The following SCNN1B variants were observed in gnomAD, a reference collection of about 807,000 sequenced individuals.
The protein encoded by SCNN1B is sodium channel epithelial 1 subunit beta, also known as epithelial sodium channel subunit beta.
A neutral mutation model predicts 65.3 loss-of-function variants in SCNN1B; 46 were observed. The observed-to-expected ratio is 0.70, with a 90% CI of 0.56 to 0.90. The LOEUF (loss-of-function observed/expected upper bound fraction) is 0.90. Ranked by LOEUF, SCNN1B falls within the 40% of genes least tolerant of loss-of-function variation. The pLI is 0.00. For synonymous variants in SCNN1B, 349 were observed against 330.6 expected, an observed-to-expected ratio of 1.06 and a Z score of -0.60; for missense variants, 751 against 830.5, an observed-to-expected ratio of 0.90 and a Z score of 1.18.
At position 23,377,088 on chromosome 16, in the gene SCNN1B, C is replaced by T. The variant is rs2303154; in HGVS notation, c.1271-77C>T. ...AGGGCCAGGAGAGCAGAGGGGCCAG[C>T]CAGAGGCTCAGCAGGGAACAGGGGC... On this transcript the variant is annotated intron_variant, in intron 8 of 12. Transcript: ENST00000343070. 5,046 of 1,338,156 alleles carry T rather than the reference C, an allele frequency of 3.8e-3. 251 individuals are homozygous for T. The East Asian group carries it at 0.11, about 29-fold the overall frequency. The allele number at this position is 1,338,156 out of a possible 1,614,324, so 82.9% of individuals were successfully genotyped here. A position where few individuals can be genotyped will look rare whatever the true frequency, so the allele number is the denominator to read the frequency against.
chr16:23,308,941 G>C (rs547233424), intron 1 of SCNN1B, among the ~76,000 whole-genome samples: 101 of 152,272 alleles, frequency 6.6e-4, no homozygotes, highest in African/African-American at 2.4e-3. Context: ...GTGATTCTGA[G>C]GGACAGTCAA....
intron 1 of SCNN1B, among the ~76,000 whole-genome samples, chr16:23,325,650 G>A (rs778667626): frequency 7.2e-5 from 11 of 151,790 alleles, no homozygotes; most frequent in African/African-American, 1.5e-4. Context: ...GTTGAAATGC[G>A]CATCCGATCT....
intron 3 of SCNN1B, among the ~76,000 whole-genome samples, chr16:23,354,916 G>A (rs535612121): frequency 6.6e-6 from 1 of 152,310 alleles, no homozygotes; most frequent in East Asian, 1.9e-4. Context: ...GGTGAGGCTG[G>A]TGGCTGTAAA....
chr16:23,365,490 AAAAGAAAGAAAAAG>A (rs1156432547), intron 4 of SCNN1B, among the ~76,000 whole-genome samples: 2 of 139,628 alleles, frequency 1.4e-5, no homozygotes, highest in South Asian at 2.2e-4. Context: ...GAAAAAGAAG[AAAAGAAAGAAAAAG>A]AAAGAAAGAA....
intron 4 of SCNN1B, among the ~76,000 whole-genome samples, chr16:23,366,214 TG>T (rs977950694): frequency 1.4e-5 from 2 of 140,212 alleles, no homozygotes; most frequent in African/African-American, 5.4e-5. Flanking sequence ...AAATTATTAT[TG>T]TTTTTTTGAT....
At chr16:23,294,087 T>G (rs1205873873) in intron 2 of SCNN1B, among the ~76,000 whole-genome samples, 1 of 152,092 alleles carries the variant, frequency 6.6e-6, no homozygotes, top group African/African-American at 2.4e-5. Flanking sequence ...TGGCCAGATG[T>G]GGTGGATCAT....
At chr16:23,346,837 G>A (rs894088208) in intron 1 of SCNN1B, among the ~76,000 whole-genome samples, 2 of 151,768 alleles carry the variant, frequency 1.3e-5, no homozygotes, top group African/African-American at 2.4e-5. Context: ...CTGACACTTA[G>A]GTGCCAGGCA....
rs34354228 is a variant in SCNN1B at position 23,378,780 on chromosome 16, C to T, written c.1466+13C>T. ...TCACCCTGAGCAGGTGAGCCTGAGC[C>T]TGGGCGGGGCTGGGGAAGACAGGGA... is the stretch of plus-strand genomic sequence containing the variant. On this transcript the variant is annotated intron_variant, in intron 11 of 12. Transcript: ENST00000343070. The T allele has an allele frequency of 2.5e-6, 4 of 1,613,416 alleles. No homozygotes were observed. The highest frequency in any genetic ancestry group is 3.4e-6 in the Non-Finnish European group (4 of 1,179,510).
rs1365025770 is a variant in SCNN1B at position 23,352,947 on chromosome 16, T to C, written c.458T>C (p.Ile153Thr). Residue 153 changes from isoleucine to threonine, a missense_variant, in exon 3 of 13, where the codon ATT becomes ACT. Physicochemically the swap from Ile to Thr is moderately conservative, Grantham distance 89. Transcript: ENST00000343070. ...TGGAACCACACACCCCTGGTCCTTA[T>C]TGATGAACGGAACCCCCACCACCCC... ...SIWNHTPLVL[I>T]DERNPHHPMV... 9.3e-6 allele frequency: 15 copies of C among 1,614,052 alleles called. No individual in the cohort carries two copies. Among genetic ancestry groups the C allele is most frequent in the African/African-American group, 1.3e-5 (1 of 74,910 alleles).
At chr16:23,376,744 T>TA (rs770607656) in intron 8 of SCNN1B, among the ~76,000 whole-genome samples, 9,049 of 63,124 alleles carry the variant, frequency 0.14, 801 homozygotes, top group African/African-American at 0.35. Flanking sequence ...ACCCCGTCTA[T>TA]AAAAAAAAAA....
intron 10 of SCNN1B, among the ~76,000 whole-genome samples, chr16:23,378,396 GC>G (rs1323248833): frequency 5.3e-5 from 8 of 152,214 alleles, no homozygotes; most frequent in African/African-American, 1.9e-4. Flanking sequence ...CAGAGGCTGA[GC>G]CATCATGGGC....
intron 1 of SCNN1B, among the ~76,000 whole-genome samples, chr16:23,305,531 AT>A (rs1961178798): frequency 3.0e-4 from 2 of 6,626 alleles, no homozygotes; most frequent in Admixed American, 2.6e-3. Context: ...CCAAATATAT[AT>A]ATTATATATA....
chr16:23,350,973 G>T (rs920187971), intron 2 of SCNN1B, among the ~76,000 whole-genome samples: 4 of 152,152 alleles, frequency 2.6e-5, no homozygotes, highest in Admixed American at 2.6e-4. Flanking sequence ...GGGCACAGTG[G>T]CTCAGGCTTG....
At chr16:23,329,698 A>G (rs1041200468) in intron 1 of SCNN1B, among the ~76,000 whole-genome samples, 1 of 152,224 alleles carries the variant, frequency 6.6e-6, no homozygotes, top group Admixed American at 6.5e-5. Context: ...CCAACTCCCC[A>G]GTAAGGGGAA....
At chr16:23,347,318 C>T (rs1962210812) in intron 1 of SCNN1B, among the ~76,000 whole-genome samples, 1 of 152,030 alleles carries the variant, frequency 6.6e-6, no homozygotes, top group South Asian at 2.1e-4. Flanking sequence ...GTGCTAGGCT[C>T]AGTCCATAGC....
chr16:23,315,753 G>A (rs1382140293), intron 1 of SCNN1B, among the ~76,000 whole-genome samples: 10 of 152,220 alleles, frequency 6.6e-5, no homozygotes, highest in Admixed American at 2.6e-4. Flanking sequence ...GCAGTGAGCC[G>A]TGATCGTGCC....
At chr16:23,295,257 T>C (rs1960979497) in intron 2 of SCNN1B, among the ~76,000 whole-genome samples, 1 of 152,048 alleles carries the variant, frequency 6.6e-6, no homozygotes, top group Non-Finnish European at 1.5e-5. Flanking sequence ...CTCACTCTGT[T>C]ACCCAGGTTG....
intron 1 of SCNN1B, among the ~76,000 whole-genome samples, chr16:23,320,343 T>C (rs1961561335): frequency 6.6e-6 from 1 of 152,196 alleles, no homozygotes; most frequent in Admixed American, 6.5e-5. Context: ...TGATGCTGTT[T>C]CAGCCAATCT....
chr16:23,322,887 A>G (rs1393085620), intron 1 of SCNN1B, among the ~76,000 whole-genome samples: 9 of 151,738 alleles, frequency 5.9e-5, no homozygotes. Flanking sequence ...TCCTCAGAAA[A>G]TATTCTGAGG....
Sources: allele counts gnomAD v4.1 joint callset (sites outside exome capture counted in the v4.1 genomes callset), GRCh38; gene constraint gnomAD v4.1.1; transcripts MANE v1.5; gene names NCBI Gene and HGNC (gene_info 2026-07-23, HGNC 2026-07-21).